PAM: variants seen among roughly 807,000 people sequenced by gnomAD.
The protein encoded by PAM is peptidyl-glycine alpha-amidating monooxygenase.
In PAM, 72 loss-of-function variants were observed where a neutral mutation model predicts 122.1. The observed-to-expected ratio is 0.59, with a 90% CI of 0.49 to 0.72. The LOEUF is 0.72. PAM is among the 30% of genes least tolerant of loss of function. The pLI is 0.00. For synonymous variants in PAM, 389 were observed against 404.4 expected (o/e 0.96, Z 0.46); for missense variants, 1,106 against 1,183.7 (o/e 0.93, Z 0.96).
At chr5:102,973,168 G>A (rs1766458882) in intron 14 of PAM, among the ~76,000 whole-genome samples, 1 of 152,168 alleles carries the variant, frequency 6.6e-6, no homozygotes, top group African/African-American at 2.4e-5. Flanking sequence ...TATAGGATGA[G>A]GAAAAGGAAG....
At chr5:102,763,954 T>C (rs1753138848) in intron 1 of PAM, among the ~76,000 whole-genome samples, 1 of 152,180 alleles carries the variant, frequency 6.6e-6, no homozygotes. Context: ...GGTGTGCATG[T>C]CAGTGGGGTG....
At chr5:102,834,271 C>T (rs1004584074) in intron 1 of PAM, among the ~76,000 whole-genome samples, 2 of 152,174 alleles carry the variant, frequency 1.3e-5, no homozygotes, top group East Asian at 3.9e-4. Flanking sequence ...AACTTGAGTA[C>T]AGAACTCAAC....
At chr5:102,789,083 C>T (rs1045310972) in intron 1 of PAM, among the ~76,000 whole-genome samples, 9 of 152,114 alleles carry the variant, frequency 5.9e-5, no homozygotes, top group South Asian at 2.1e-4. Context: ...TTATACCTTA[C>T]GTCATAGGTA....
At chr5:102,957,470 A>T (rs1761121213) in intron 12 of PAM, among the ~76,000 whole-genome samples, 1 of 152,032 alleles carries the variant, frequency 6.6e-6, no homozygotes, top group Non-Finnish European at 1.5e-5. Flanking sequence ...TAACTTGTAT[A>T]GCCCAACATT....
At chr5:102,815,779 G>A (rs1034330620) in intron 1 of PAM, among the ~76,000 whole-genome samples, 1 of 152,174 alleles carries the variant, frequency 6.6e-6, no homozygotes, top group Non-Finnish European at 1.5e-5. Flanking sequence ...AAGACTGGTG[G>A]TGCAGAAACA....
intron 3 of PAM, among the ~76,000 whole-genome samples, chr5:102,892,345 A>G (rs906740332): frequency 3.3e-5 from 5 of 151,886 alleles, no homozygotes; most frequent in Non-Finnish European, 7.4e-5. Flanking sequence ...GGATGAAATA[A>G]TCATTCTTGC....
At chr5:102,942,575 A>C (rs1307471237) in intron 7 of PAM, among the ~76,000 whole-genome samples, 1 of 150,816 alleles carries the variant, frequency 6.6e-6, no homozygotes, top group Non-Finnish European at 1.5e-5. Context: ...ATTTGCTTCC[A>C]AATTTTCTAA....
intron 3 of PAM, among the ~76,000 whole-genome samples, chr5:102,894,983 C>A (rs546994287): frequency 3.4e-5 from 5 of 148,480 alleles, no homozygotes; most frequent in African/African-American, 1.3e-4. Context: ...ATTTCCATGT[C>A]ATTTTCCTAC....
intron 9 of PAM, among the ~76,000 whole-genome samples, chr5:102,949,045 C>T (rs561380709): frequency 2.5e-4 from 38 of 152,100 alleles, no homozygotes; most frequent in African/African-American, 7.9e-4. Flanking sequence ...AGTATGGTCT[C>T]TTTGTTACCA....
intron 1 of PAM, among the ~76,000 whole-genome samples, chr5:102,756,777 C>T (rs1278352697): frequency 1.3e-5 from 2 of 151,990 alleles, no homozygotes; most frequent in East Asian, 1.9e-4. Flanking sequence ...AATAAATAAT[C>T]AGCTTTAGAA....
At position 102,827,881 on chromosome 5, in the gene PAM, T is replaced by TAAAATAAAAA. The variant is rs1375001602; in HGVS notation, c.-373-37942_-373-37941insAAAATAAAAA. On this transcript the variant is annotated intron_variant, in intron 1 of 25. Transcript: ENST00000438793. ...TTTTGTATTTTTAGTAGAGACGGGG[T>TAAAATAAAAA]TTCACCTTGTTAGCCAGGATGGTGA... Among the ~76,000 whole-genome samples, 4 of 13,988 alleles carry TAAAATAAAAA rather than the reference T, an allele frequency of 2.9e-4. 1 individual carries two copies. The highest frequency in any genetic ancestry group is 0.071 in the Middle Eastern group (1 of 14). 9.2% of individuals were successfully genotyped at this position (13,988 alleles called of 152,430 possible).
intron 1 of PAM, chr5:102,864,423 C>T (rs554330713): frequency 6.6e-6 from 1 of 152,184 alleles, no homozygotes; most frequent in African/African-American, 2.4e-5. Context: ...TTAAAAATGT[C>T]ATTGCTTATG....
In PAM at chr5:102,961,187, C is replaced by T; in HGVS notation, c.1120C>T (p.Leu374=). ...AGAATATAAAGATAAGATTCCTTTA[C>T]TACAGCAGCCAAAACGAGAAGAAGA... is the stretch of plus-strand genomic sequence containing the variant. ...ETEYKDKIPL[L]QQPKREEEEV... is the part of the protein sequence containing the mutation. The change falls in exon 14 of 26, where the codon CTA becomes TTA. Residue 374 remains leucine, a synonymous_variant. Transcript: ENST00000438793. The T allele has an allele frequency of 6.3e-7, 1 of 1,581,558 alleles. No homozygotes were observed. Among genetic ancestry groups the T allele is most frequent in the Non-Finnish European group, 8.7e-7 (1 of 1,151,146 alleles).
intron 14 of PAM, among the ~76,000 whole-genome samples, chr5:102,965,759 C>T (rs62362519): frequency 0.29 from 44,178 of 151,754 alleles, 6,670 homozygotes; most frequent in East Asian, 0.43. Flanking sequence ...GGGAAAATAC[C>T]CCATGACCCC....
chr5:103,028,198 A>T lies in PAM; in HGVS notation c.2703A>T (p.Lys901Asn). Residue 901 changes from lysine (K) to asparagine (N), a missense_variant, in exon 25 of 26, where the codon AAA becomes AAT. Transcript: ENST00000438793. ...KSRAFGDSEH[K>N]LETSSGRVLG... ...TTTTTTTAGCAGATTCTGAACACAAACTCGAGACGAGTTCAGGAAGAGTAC... is the reference window on the plus strand; with the variant it reads ...TTTTTTTAGCAGATTCTGAACACAATCTCGAGACGAGTTCAGGAAGAGTAC... The T allele has an allele frequency of 6.2e-7, 1 of 1,612,554 alleles. No individual in the cohort carries two copies. Among genetic ancestry groups the T allele is most frequent in the Non-Finnish European group, 8.5e-7 (1 of 1,178,892 alleles).
At chr5:103,024,185 T>C (rs1199888820) in intron 23 of PAM, among the ~76,000 whole-genome samples, 3 of 152,182 alleles carry the variant, frequency 2.0e-5, no homozygotes, top group Non-Finnish European at 4.4e-5. Flanking sequence ...AAATTCTTAC[T>C]AGTCTTTGTA....
At chr5:102,883,129 T>C (rs1189411121) in intron 3 of PAM, among the ~76,000 whole-genome samples, 1 of 152,064 alleles carries the variant, frequency 6.6e-6, no homozygotes, top group Admixed American at 6.6e-5. Flanking sequence ...GGCCTCATAG[T>C]ATAGTTTGAA....
At chr5:102,781,641 C>T (rs955898537) in intron 1 of PAM, among the ~76,000 whole-genome samples, 5 of 152,126 alleles carry the variant, frequency 3.3e-5, no homozygotes, top group Non-Finnish European at 7.3e-5. Flanking sequence ...TCTGCAAGCT[C>T]TAAGTCTTGA....
At chr5:103,011,577 ATTG>A (rs1156439184) in intron 21 of PAM, among the ~76,000 whole-genome samples, 7 of 152,124 alleles carry the variant, frequency 4.6e-5, no homozygotes, top group Admixed American at 1.3e-4. Flanking sequence ...CATCCATGTT[ATTG>A]CAAATGACAG....
Sources: gnomAD v4.1 joint callset for allele counts (sites outside exome capture counted in the v4.1 genomes callset) on GRCh38, gnomAD v4.1.1 for gene constraint, MANE v1.5 for transcripts, NCBI Gene and HGNC (gene_info 2026-07-23, HGNC 2026-07-21) for gene names.